Variants in GALNT17 observed in about 807,000 individuals in gnomAD.
GALNT17 encodes polypeptide N-acetylgalactosaminyltransferase 17.
A neutral mutation model predicts 63.7 loss-of-function variants in GALNT17; 29 were observed. The ratio of observed to expected loss-of-function variants is 0.46; its 90% CI spans 0.34 to 0.62. The LOEUF is 0.62. Among genes scored for constraint, GALNT17 ranks in the 20% least tolerant of loss-of-function variants. The probability of loss-of-function intolerance (pLI) is 0.01; values close to 1 mark genes in which losing one functional copy is unlikely to be tolerated. For synonymous variants in GALNT17, 305 were observed against 318.3 expected, an observed-to-expected ratio of 0.96 and a Z score of 0.45; for missense variants, 603 against 799.6, an observed-to-expected ratio of 0.75 and a Z score of 2.97.
At chr7:71,625,055 G>A (rs1007470097) in intron 6 of GALNT17, among the ~76,000 whole-genome samples, 3 of 152,150 alleles carry the variant, frequency 2.0e-5, no homozygotes, top group African/African-American at 7.2e-5. Flanking sequence ...AAAGCTCTCA[G>A]GATCCCCACA....
intron 1 of GALNT17, among the ~76,000 whole-genome samples, chr7:71,303,300 AAC>A: frequency 6.6e-6 from 1 of 152,110 alleles, no homozygotes; most frequent in African/African-American, 2.4e-5. Flanking sequence ...ACTATAGGTG[AAC>A]ACCACTACAC....
intron 5 of GALNT17, among the ~76,000 whole-genome samples, chr7:71,539,707 C>CTTTTTTTTTTTTTTTTTTT (rs71089953): frequency 2.8e-5 from 2 of 71,442 alleles, no homozygotes; most frequent in African/African-American, 5.8e-5. Flanking sequence ...TTAGTCCCAC[C>CTTTTTTTTTTTTTTTTTTT]TTTTTTTTTT....
chr7:71,149,025 G>A (rs1788083668), intron 1 of GALNT17, among the ~76,000 whole-genome samples: 1 of 151,764 alleles, frequency 6.6e-6, no homozygotes, highest in African/African-American at 2.4e-5. Context: ...TCGAACTCCT[G>A]GGCTCAAGCC....
chr7:71,301,613 A>G (rs1405926036), intron 1 of GALNT17, among the ~76,000 whole-genome samples: 2 of 152,018 alleles, frequency 1.3e-5, no homozygotes, highest in African/African-American at 2.4e-5. Context: ...GTTACCCAAT[A>G]TGCAGCATTG....
intron 2 of GALNT17, among the ~76,000 whole-genome samples, chr7:71,365,441 T>C (rs917392114): frequency 1.1e-4 from 17 of 152,226 alleles, no homozygotes; most frequent in African/African-American, 4.1e-4. Flanking sequence ...GGTTTTACCA[T>C]GTTGGCCAGG....
At chr7:71,244,082 C>A (rs59035085) in intron 1 of GALNT17, among the ~76,000 whole-genome samples, 2,139 of 152,274 alleles carry the variant, frequency 0.014, 58 homozygotes, top group African/African-American at 0.049. Context: ...GTGACTAGAG[C>A]AGTTTAGCAG....
chr7:71,629,324 C>T (rs1383144984), intron 6 of GALNT17, among the ~76,000 whole-genome samples: 2 of 152,128 alleles, frequency 1.3e-5, no homozygotes, highest in African/African-American at 4.8e-5. Context: ...CTGTTAATAA[C>T]CAAGTGGAGC....
At chr7:71,266,354 C>G (rs1223274975) in intron 1 of GALNT17, among the ~76,000 whole-genome samples, 3 of 152,132 alleles carry the variant, frequency 2.0e-5, no homozygotes, top group Non-Finnish European at 4.4e-5. Context: ...CGGACTTCCC[C>G]CTTACTGTTC....
At chr7:71,182,262 G>C (rs776656898) in intron 1 of GALNT17, among the ~76,000 whole-genome samples, 2 of 152,230 alleles carry the variant, frequency 1.3e-5, no homozygotes, top group South Asian at 2.1e-4. Context: ...AGGTGGAGAC[G>C]TGAGACATCA....
intron 2 of GALNT17, among the ~76,000 whole-genome samples, chr7:71,357,199 T>C (rs1018120656): frequency 1.3e-5 from 2 of 152,138 alleles, no homozygotes; most frequent in African/African-American, 2.4e-5. Context: ...TGGTACGAGT[T>C]TGTGGCCTGT....
At chr7:71,583,164 G>A (rs1789661822) in intron 6 of GALNT17, among the ~76,000 whole-genome samples, 2 of 152,126 alleles carry the variant, frequency 1.3e-5, no homozygotes, top group South Asian at 2.1e-4. Flanking sequence ...GCAGGATCGC[G>A]ACTCACTGCA....
chr7:71,573,365 C>A (rs1584060784), intron 6 of GALNT17, among the ~76,000 whole-genome samples: 1 of 149,370 alleles, frequency 6.7e-6, no homozygotes, highest in Non-Finnish European at 1.5e-5. Context: ...TAGTCTTGCT[C>A]TGTCGCCCAG....
intron 5 of GALNT17, among the ~76,000 whole-genome samples, chr7:71,531,678 C>A (rs998396447): frequency 6.6e-6 from 1 of 152,156 alleles, no homozygotes; most frequent in Non-Finnish European, 1.5e-5. Context: ...CAGCCTCAAC[C>A]TCCCAGGCTC....
At chr7:71,141,910 C>CTGTTTCTTTGCTAAT in intron 1 of GALNT17, among the ~76,000 whole-genome samples, 1 of 145,212 alleles carries the variant, frequency 6.9e-6, no homozygotes, top group Non-Finnish European at 1.5e-5. Context: ...GACAGGGTTT[C>CTGTTTCTTTGCTAAT]ACCATATTGA....
intron 5 of GALNT17, among the ~76,000 whole-genome samples, chr7:71,542,979 G>T (rs1295027710): frequency 1.3e-5 from 2 of 151,572 alleles, no homozygotes; most frequent in African/African-American, 4.9e-5. Flanking sequence ...GTTTGGTGTG[G>T]GAGGGCTTCT....
chr7:71,308,148 T>C lies in GALNT17; in HGVS notation c.239-27402T>C, dbSNP rs571932735. On this transcript the variant is annotated intron_variant, in intron 1 of 10. Coordinates refer to ENST00000333538, the MANE Select transcript of GALNT17 (RefSeq NM_022479.3). The stretch of plus-strand genomic sequence containing the variant: ...CAAATAGGAGCAAGGAAACAAAGTA[T>C]ATAAAGACCTGCTATTTAGGAATGG... 4.6e-5 allele frequency among the ~76,000 whole-genome samples: 7 copies of C among 152,246 alleles called. No homozygotes were observed. In the South Asian group the frequency reaches 1.5e-3, roughly 32 times the overall value.
chr7:71,291,430 C>A (rs887130308), intron 1 of GALNT17, among the ~76,000 whole-genome samples: 2 of 152,130 alleles, frequency 1.3e-5, no homozygotes, highest in Non-Finnish European at 2.9e-5. Context: ...TGATTAGAAT[C>A]CAATTCCATG....
chr7:71,409,788 G>A (rs1793398408), intron 3 of GALNT17, among the ~76,000 whole-genome samples: 1 of 152,192 alleles, frequency 6.6e-6, no homozygotes, highest in African/African-American at 2.4e-5. Flanking sequence ...CATGAGTATA[G>A]GGTAGCCAAG....
At chr7:71,436,089 A>G (rs545894233) in intron 5 of GALNT17, among the ~76,000 whole-genome samples, 1 of 151,760 alleles carries the variant, frequency 6.6e-6, no homozygotes, top group East Asian at 1.9e-4. Flanking sequence ...GAGTAATAAT[A>G]AAACTCGGGT....
Sources: gnomAD v4.1 joint callset for allele counts (sites outside exome capture counted in the v4.1 genomes callset) on GRCh38, gnomAD v4.1.1 for gene constraint, MANE v1.5 for transcripts, NCBI Gene and HGNC (gene_info 2026-07-23, HGNC 2026-07-21) for gene names.